CPNE1: variants seen among roughly 807,000 people sequenced by gnomAD.
The protein encoded by CPNE1 is copine-1.
Under a neutral mutation model 63.2 loss-of-function variants are expected in CPNE1, and 58 were observed. The observed-to-expected ratio is 0.92, with a 90% CI of 0.74 to 1.14. CPNE1 has a LOEUF of 1.14. Ranked by LOEUF, CPNE1 falls within the 50% of genes most tolerant of loss-of-function variation. CPNE1 has a pLI of 0.00. For missense variants in CPNE1, 672 were observed against 661.7 expected (o/e 1.02, Z -0.17); for synonymous variants, 237 against 249.0 (o/e 0.95, Z 0.45).
At chr20:35,653,803 T>G in intron 1 of CPNE1, 1 of 1,613,958 alleles carries the variant, frequency 6.2e-7, no homozygotes, top group South Asian at 1.1e-5. Context: ...CATACCTTTC[T>G]TAGTAATTGG....
intron 1 of CPNE1, chr20:35,643,113 C>G (rs1365015366): frequency 1.3e-5 from 2 of 153,134 alleles, no homozygotes; most frequent in African/African-American, 2.4e-5. Flanking sequence ...AAGAAGCAAA[C>G]TGAGGAGGAC....
chr20:35,634,841 C>T (rs995881192), intron 1 of CPNE1, among the ~76,000 whole-genome samples: 7 of 151,716 alleles, frequency 4.6e-5, no homozygotes, highest in African/African-American at 9.7e-5. Context: ...TGGGTTCAAG[C>T]GATCCCTCCC....
intron 13 of CPNE1, 69 bp from the exon 14 acceptor site, chr20:35,627,482 C>A: frequency 1.3e-6 from 2 of 1,504,866 alleles, no homozygotes; most frequent in Non-Finnish European, 1.8e-6. Flanking sequence ...CTGAAATCAC[C>A]CCATCCCAGC....
intron 1 of CPNE1, among the ~76,000 whole-genome samples, chr20:35,655,499 A>G (rs1183386834): frequency 1.3e-5 from 2 of 152,216 alleles, no homozygotes; most frequent in African/African-American, 4.8e-5. Flanking sequence ...AAAACTGAAC[A>G]TTACGTGCCA....
intron 5 of CPNE1, 30 bp downstream of exon 5, chr20:35,632,133 T>C: frequency 6.2e-7 from 1 of 1,611,432 alleles, no homozygotes; most frequent in Non-Finnish European, 8.5e-7. Flanking sequence ...CCTTAACTCT[T>C]GGATTACCAG....
At chr20:35,632,263 G>C (rs1278227323) in intron 4 of CPNE1, 29 bp from the exon 5 acceptor site, 1 of 1,611,378 alleles carries the variant, frequency 6.2e-7, no homozygotes, top group South Asian at 1.1e-5. Flanking sequence ...ATCACCTCAT[G>C]AATTCATTGA....
intron 1 of CPNE1, chr20:35,643,166 ATCTG>A (rs2032907664): frequency 6.3e-6 from 1 of 159,426 alleles, no homozygotes; most frequent in African/African-American, 2.4e-5. Context: ...TGGCTGTGAC[ATCTG>A]TCACCCCATT....
intron 1 of CPNE1, among the ~76,000 whole-genome samples, chr20:35,657,203 T>C (rs2033949100): frequency 1.3e-5 from 2 of 152,212 alleles, no homozygotes; most frequent in South Asian, 4.1e-4. Flanking sequence ...GCTTTTCATT[T>C]ACAAACTTCA....
rs1261405684 is a variant in CPNE1 at position 35,628,032 on chromosome 20, A to G, written c.1103-619T>C. Among the ~76,000 whole-genome samples the G allele has an allele frequency of 3.9e-5, 6 of 152,202 alleles. No homozygotes were observed. In the East Asian group the frequency reaches 1.2e-3, roughly 29 times the overall value. On this transcript the variant is annotated intron_variant, in intron 13 of 15. Coordinates refer to ENST00000397443, the MANE Select transcript of CPNE1 (RefSeq NM_152925.3). ...CGCAGTGGCTCAGGCCTGTAATCCCAGCACTTTGGGAGGCTGAGGCGGGCG... is the reference window on the plus strand; with the variant it reads ...CGCAGTGGCTCAGGCCTGTAATCCCGGCACTTTGGGAGGCTGAGGCGGGCG...
intron 1 of CPNE1, among the ~76,000 whole-genome samples, chr20:35,646,655 A>G (rs143877679): frequency 5.1e-4 from 78 of 152,268 alleles, no homozygotes; most frequent in African/African-American, 1.9e-3. Flanking sequence ...GGTTTACTAT[A>G]TAAGCAAGCA....
At chr20:35,650,120 T>G (rs1362703326) in intron 1 of CPNE1, 1 of 152,622 alleles carries the variant, frequency 6.6e-6, no homozygotes, top group Non-Finnish European at 1.5e-5. Flanking sequence ...GCACTGTTAA[T>G]AAATCTCAGA....
rs992678218 is a variant in CPNE1 at position 35,631,521 on chromosome 20, T to G, written c.685A>C (p.Thr229Pro). Residue 229 changes from threonine (T) to proline (P), a missense_variant, in exon 8 of 16, where the codon ACC becomes CCC. Physicochemically the swap from Thr to Pro is conservative, Grantham distance 38. Coordinates refer to ENST00000397443, the MANE Select transcript of CPNE1 (RefSeq NM_152925.3). ...ACTGCCTGCAGCTGGGCCAAGCTGG[T>G]GTGGAAGGTACCGATGAGATCATGT... ...GSHDLIGTFH[T>P]SLAQLQAVPA... The G allele has an allele frequency of 1.2e-6, 2 of 1,613,896 alleles. No individual in the cohort carries two copies. The highest frequency in any genetic ancestry group is 2.2e-5 in the South Asian group (2 of 91,072).
In CPNE1 at chr20:35,630,464, G is replaced by C; in HGVS notation, c.1077C>G (p.Phe359Leu). ...WQVSHEFALN[F>L]NPSNPYCAGI... The stretch of plus-strand genomic sequence containing the variant: ...CTGCACAGTAGGGGTTACTGGGGTT[G>C]AAATTCAAGGCAAATTCATGCGAGA... Residue 359 changes from phenylalanine to leucine, a missense_variant, in exon 13 of 16, where the codon TTC becomes TTG. Phe to Leu is a conservative substitution (Grantham distance 22). Transcript: ENST00000397443. 6.2e-7 allele frequency: 1 copy of C among 1,614,198 alleles called. No individual in the cohort carries two copies.
At chr20:35,649,902 C>A (rs2033385678) in intron 1 of CPNE1, 1 of 152,336 alleles carries the variant, frequency 6.6e-6, no homozygotes, top group African/African-American at 2.4e-5. Flanking sequence ...CAAATGCACA[C>A]AACTTTGAGC....
Position 35,631,963 on chromosome 20 carries a change from G to A in CPNE1, c.519C>T (p.His173=), listed in dbSNP as rs1275875438. Residue 173 remains histidine, a synonymous_variant, in exon 6 of 16, where the codon CAC becomes CAT. Coordinates refer to ENST00000397443, the MANE Select transcript of CPNE1 (RefSeq NM_152925.3). ...EFFRQGDGKW[H]LVYRSEVIKN... ...CTCATACCTCAGATCTGTACACCAG[G>A]TGCCATTTCCCATCACCCTGGCGGA... 2.5e-6 allele frequency: 4 copies of A among 1,614,032 alleles called. No homozygotes were observed. The highest frequency in any genetic ancestry group is 1.1e-5 in the South Asian group (1 of 91,080).
intron 13 of CPNE1, among the ~76,000 whole-genome samples, chr20:35,629,530 C>G (rs2031981881): frequency 6.6e-6 from 1 of 152,134 alleles, no homozygotes; most frequent in Non-Finnish European, 1.5e-5. Flanking sequence ...TCGGAGAACA[C>G]TTAGTAAGTA....
At chr20:35,653,840 T>C in intron 1 of CPNE1, 4 of 1,613,922 alleles carry the variant, frequency 2.5e-6, no homozygotes, top group Admixed American at 1.7e-5. Context: ...CGATTGCCCA[T>C]GTACTGTTTA....
intron 1 of CPNE1, among the ~76,000 whole-genome samples, chr20:35,661,238 G>C (rs1435724891): frequency 6.6e-6 from 1 of 152,176 alleles, no homozygotes; most frequent in Non-Finnish European, 1.5e-5. Context: ...AAATACTTCT[G>C]TGTTGACACC....
intron 1 of CPNE1, chr20:35,652,898 G>A: frequency 6.2e-7 from 1 of 1,613,656 alleles, no homozygotes; most frequent in Non-Finnish European, 8.5e-7. Context: ...AGACCAGGAG[G>A]GCCACTTCCA....
Sources: allele counts gnomAD v4.1 joint callset (sites outside exome capture counted in the v4.1 genomes callset), GRCh38; gene constraint gnomAD v4.1.1; transcripts MANE v1.5; gene names NCBI Gene and HGNC (gene_info 2026-07-23, HGNC 2026-07-21).